RBM19: variants seen among roughly 807,000 people sequenced by gnomAD.
The protein encoded by RBM19 is RNA binding motif protein 19.
In RBM19, 94 loss-of-function variants were observed where a neutral mutation model predicts 116.8. The ratio of observed to expected loss-of-function variants is 0.80; its 90% CI spans 0.68 to 0.95. The LOEUF is 0.95. Among genes scored for constraint, RBM19 ranks in the 40% least tolerant of loss-of-function variants. RBM19 has a pLI of 0.00. For synonymous variants in RBM19, 475 were observed against 494.1 expected (o/e 0.96, Z 0.51); for missense variants, 1,161 against 1,220.7 (o/e 0.95, Z 0.73).
At position 113,910,180 on chromosome 12, in the gene RBM19, C is replaced by A. The variant is rs77197960; in HGVS notation, c.2558+4789G>T. Among the ~76,000 whole-genome samples the A allele has an allele frequency of 4.9e-3, 748 of 152,288 alleles. 8 individuals are homozygous for A. The highest frequency in any genetic ancestry group is 0.017 in the African/African-American group (706 of 41,564). ...GATGATCATGACAGTGACAGACATGCTCCCATAAACACCTCCCTCCTTTAG... is the reference window on the plus strand; with the variant it reads ...GATGATCATGACAGTGACAGACATGATCCCATAAACACCTCCCTCCTTTAG... On this transcript the variant is annotated intron_variant, in intron 21 of 23. Coordinates refer to ENST00000261741, the MANE Select transcript of RBM19 (RefSeq NM_016196.4).
chr12:113,911,423 G>A (rs1037044589), intron 21 of RBM19, among the ~76,000 whole-genome samples: 4 of 152,128 alleles, frequency 2.6e-5, no homozygotes, highest in Admixed American at 6.6e-5. Flanking sequence ...CCAGGAAAAC[G>A]CTGCCCAGGA....
At chr12:113,964,059 T>G (rs1872690765) in intron 1 of RBM19, among the ~76,000 whole-genome samples, 1 of 152,218 alleles carries the variant, frequency 6.6e-6, no homozygotes, top group African/African-American at 2.4e-5. Flanking sequence ...AATGATCTGG[T>G]GCCTCTCTTT....
intron 21 of RBM19, among the ~76,000 whole-genome samples, chr12:113,896,932 G>T (rs1202133263): frequency 6.6e-6 from 1 of 152,208 alleles, no homozygotes; most frequent in Non-Finnish European, 1.5e-5. Flanking sequence ...TAAACAACTT[G>T]ACAGTAGCAG....
At chr12:113,855,378 C>T (rs1228131712) in intron 22 of RBM19, among the ~76,000 whole-genome samples, 1 of 152,248 alleles carries the variant, frequency 6.6e-6, no homozygotes, top group Non-Finnish European at 1.5e-5. Flanking sequence ...CTACAATGAG[C>T]TTAGCTGCCC....
At chr12:113,928,197 C>T (rs1308463586) in intron 16 of RBM19, among the ~76,000 whole-genome samples, 1 of 152,054 alleles carries the variant, frequency 6.6e-6, no homozygotes, top group African/African-American at 2.4e-5. Flanking sequence ...ATTAGCCGGG[C>T]ATGGTGGTGG....
chr12:113,927,714 T>C (rs1869234003), intron 16 of RBM19, among the ~76,000 whole-genome samples: 1 of 152,112 alleles, frequency 6.6e-6, no homozygotes, highest in Non-Finnish European at 1.5e-5. Context: ...AAATACCCCC[T>C]TGAACCTAAA....
intron 21 of RBM19, among the ~76,000 whole-genome samples, chr12:113,891,552 G>C (rs912010145): frequency 1.3e-5 from 2 of 152,206 alleles, no homozygotes; most frequent in African/African-American, 4.8e-5. Context: ...GGTGGACAGG[G>C]AGGAAGGGGC....
intron 7 of RBM19, among the ~76,000 whole-genome samples, chr12:113,953,720 A>C (rs2135932180): frequency 6.6e-6 from 1 of 152,394 alleles, no homozygotes; most frequent in South Asian, 2.1e-4. Flanking sequence ...CCAAAGCCTT[A>C]GAATTGTACA....
chr12:113,860,957 C>T (rs913564867), intron 21 of RBM19, among the ~76,000 whole-genome samples: 6 of 152,220 alleles, frequency 3.9e-5, no homozygotes, highest in African/African-American at 1.2e-4. Context: ...GGGTAAATTA[C>T]ACCTACCCTC....
intron 21 of RBM19, among the ~76,000 whole-genome samples, chr12:113,885,015 A>C (rs1467964771): frequency 6.6e-6 from 1 of 152,238 alleles, no homozygotes; most frequent in Admixed American, 6.5e-5. Flanking sequence ...TGTGGGAGGA[A>C]TGATGGAATT....
chr12:113,880,249 G>T (rs1281281647), intron 21 of RBM19, among the ~76,000 whole-genome samples: 1 of 152,044 alleles, frequency 6.6e-6, no homozygotes, highest in Non-Finnish European at 1.5e-5. Flanking sequence ...CAAATTAAAT[G>T]GGGAATCCTG....
In RBM19 at chr12:113,876,378, T is replaced by G. The variant is rs146005830; in HGVS notation, c.2559-17482A>C. On this transcript the variant is annotated intron_variant, in intron 21 of 23. Transcript: ENST00000261741. ...CTCTCTCCTCCACTTGGCCTCGGCT[T>G]GCCCATCTGTGAAATGGGGACAATG... Among the ~76,000 whole-genome samples the G allele has an allele frequency of 8.5e-5, 13 of 152,308 alleles. No individual in the cohort carries two copies. The East Asian group carries it at 1.2e-3, about 14-fold the overall frequency.
chr12:113,896,367 C>A (rs989028428), intron 21 of RBM19, among the ~76,000 whole-genome samples: 53 of 152,288 alleles, frequency 3.5e-4, no homozygotes, highest in African/African-American at 1.2e-3. Context: ...CAGGGAATTT[C>A]TGGGCTCGGG....
At chr12:113,904,385 T>G (rs1369024749) in intron 21 of RBM19, among the ~76,000 whole-genome samples, 1 of 152,142 alleles carries the variant, frequency 6.6e-6, no homozygotes, top group Non-Finnish European at 1.5e-5. Flanking sequence ...AGAGTATCTG[T>G]GAGTGCAAAT....
intron 21 of RBM19, among the ~76,000 whole-genome samples, chr12:113,861,227 C>T (rs1379058041): frequency 6.6e-6 from 1 of 152,152 alleles, no homozygotes; most frequent in Non-Finnish European, 1.5e-5. Flanking sequence ...CCTCTTTCTT[C>T]CCGAGTCTCG....
At chr12:113,880,809 G>T (rs1385692640) in intron 21 of RBM19, among the ~76,000 whole-genome samples, 5 of 152,146 alleles carry the variant, frequency 3.3e-5, no homozygotes, top group African/African-American at 1.2e-4. Flanking sequence ...CTCTGTGACT[G>T]CAGGGGCCTT....
intron 16 of RBM19, 151 bp downstream of exon 16, chr12:113,936,856 A>G (rs1287993871): frequency 3.4e-5 from 36 of 1,046,340 alleles, no homozygotes; most frequent in Admixed American, 7.4e-5. Context: ...GGACATGCCC[A>G]TAAAATCTGA....
rs564262130 is a variant in RBM19 at position 113,826,764 on chromosome 12, C to T, written c.2786-3443G>A. Among the ~76,000 whole-genome samples, 4 of 152,368 alleles carry T rather than the reference C, an allele frequency of 2.6e-5. No individual in the cohort carries two copies. In the South Asian group the frequency reaches 8.3e-4, roughly 32 times the overall value. On this transcript the variant is annotated intron_variant, in intron 23 of 23. Coordinates refer to ENST00000261741, the MANE Select transcript of RBM19 (RefSeq NM_016196.4). ...GCTCAGTCGATGGTGCTGAGACCAA[C>T]ACCTGTGTTACTATTATTGATAGGA...
chr12:113,945,097 G>A (rs1314630046), intron 13 of RBM19, among the ~76,000 whole-genome samples: 2 of 152,178 alleles, frequency 1.3e-5, no homozygotes, highest in Non-Finnish European at 2.9e-5. Context: ...AAAATCTCTT[G>A]TAGTGGATTT....
Sources: gnomAD v4.1 joint callset for allele counts (sites outside exome capture counted in the v4.1 genomes callset) on GRCh38, gnomAD v4.1.1 for gene constraint, MANE v1.5 for transcripts, NCBI Gene and HGNC (gene_info 2026-07-23, HGNC 2026-07-21) for gene names.